The following UFL1 variants were observed in gnomAD, a reference collection of about 807,000 sequenced individuals.
The protein encoded by UFL1 is UFM1 specific ligase 1, also known as E3 UFM1-protein ligase 1.
In UFL1, 78 loss-of-function variants were observed where a neutral mutation model predicts 99.3. That is an observed-to-expected ratio of 0.79 (90% CI 0.65 to 0.95). The LOEUF (loss-of-function observed/expected upper bound fraction) is 0.95, where lower values mean the gene tolerates loss of function less well. UFL1 is among the 40% of genes least tolerant of loss of function. UFL1 has a pLI of 0.00. For missense variants in UFL1, 936 were observed against 937.0 expected (o/e 1.00, Z 0.01); for synonymous variants, 335 against 322.2 (o/e 1.04, Z -0.42).
rs537614097 is a variant in UFL1 at position 96,523,163 on chromosome 6, G to A, written c.95G>A (p.Cys32Tyr). 1 of 1,611,744 alleles carries A rather than the reference G, an allele frequency of 6.2e-7. No homozygotes were observed. The highest frequency in any genetic ancestry group is 2.2e-5 in the East Asian group (1 of 44,784). ...TCCCTCAGGTTGTCCGAGCGGAACT[G>A]CATTGAGATTGTTAATAAATTGATT... ...EATQRLSERN[C>Y]IEIVNKLIAQ... is the part of the protein sequence containing the mutation. Residue 32 changes from cysteine to tyrosine, a missense_variant, in exon 2 of 19, where the codon TGC becomes TAC. By Grantham distance (194) the Cys-to-Tyr change is radical. Coordinates refer to ENST00000369278, the MANE Select transcript of UFL1 (RefSeq NM_015323.5).
intron 12 of UFL1, among the ~76,000 whole-genome samples, chr6:96,544,566 T>G (rs1002993816): frequency 2.0e-5 from 3 of 151,048 alleles, no homozygotes; most frequent in Admixed American, 1.3e-4. Context: ...TTGTTTAAGA[T>G]TTGTCTTTAA....
At chr6:96,525,234 A>T in intron 3 of UFL1, 63 bp from the exon 4 acceptor site, 1 of 1,299,110 alleles carries the variant, frequency 7.7e-7, no homozygotes, top group Non-Finnish European at 1.1e-6. Context: ...TTCTAAGTAT[A>T]TAATTTCAAG....
In UFL1 at chr6:96,552,597, A is replaced by C; in HGVS notation, c.2101A>C (p.Met701Leu). ...VLLFQFSTHS[M>L]LHAPGRCVPQ... Reference sequence around the variant, plus strand: ...GTTGTTTCAGTTTTCAACCCACAGCATGCTCCATGCACCTGGAAGATGTGT... The same window carrying C: ...GTTGTTTCAGTTTTCAACCCACAGCCTGCTCCATGCACCTGGAAGATGTGT... Residue 701 changes from methionine to leucine, a missense_variant, in exon 18 of 19, where the codon ATG becomes CTG. Transcript: ENST00000369278. The C allele has an allele frequency of 6.2e-7, 1 of 1,613,316 alleles. No homozygotes were observed. The highest frequency in any genetic ancestry group is 1.3e-5 in the African/African-American group (1 of 74,938).
In UFL1 at chr6:96,553,599, C is replaced by G; in HGVS notation, c.*96C>G. On this transcript the variant is annotated 3_prime_UTR_variant, in exon 19 of 19. Transcript: ENST00000369278. ...GTAGTCACTATACAACTCCCCTCTC[C>G]CTGCAAAAACCACCTCATACACACA... 1.1e-6 allele frequency: 1 copy of G among 876,656 alleles called. No individual in the cohort carries two copies. The highest frequency in any genetic ancestry group is 1.7e-6 in the Non-Finnish European group (1 of 572,234). 54.3% of individuals were successfully genotyped at this position (876,656 alleles called of 1,614,324 possible). A position where few individuals can be genotyped will look rare whatever the true frequency, so the allele number is the denominator to read the frequency against.
At chr6:96,529,007 A>C (rs762577932) in intron 6 of UFL1, among the ~76,000 whole-genome samples, 1 of 152,230 alleles carries the variant, frequency 6.6e-6, no homozygotes, top group African/African-American at 2.4e-5. Context: ...CATAATAGGC[A>C]CATGACCTTG....
intron 16 of UFL1, 116 bp from the exon 17 acceptor site, chr6:96,551,722 G>T (rs1255664690): frequency 1.3e-6 from 1 of 786,566 alleles, no homozygotes; most frequent in East Asian, 2.7e-5. Context: ...TAATGAGAAA[G>T]TGACCCTTTT....
rs1350092553 is a variant in UFL1, at chr6:96,540,521, A to G, written c.1159-14A>G. On this transcript the variant is annotated splice_polypyrimidine_tract_variant and intron_variant, in intron 10 of 18. Coordinates refer to ENST00000369278, the MANE Select transcript of UFL1 (RefSeq NM_015323.5). Reference sequence around the variant, plus strand: ...ATGTGTTTTTCCTACCAAAAAAAGCATGTTTTATTTTAGGAAATGAAAAAT... The same window carrying G: ...ATGTGTTTTTCCTACCAAAAAAAGCGTGTTTTATTTTAGGAAATGAAAAAT... 1 of 1,588,382 alleles carries G rather than the reference A, an allele frequency of 6.3e-7. No individual in the cohort carries two copies. Among genetic ancestry groups the G allele is most frequent in the African/African-American group, 1.4e-5 (1 of 72,930 alleles).
Position 96,541,559 on chromosome 6 carries a change from T to TG in UFL1, c.1279+904_1279+905insG, listed in dbSNP as rs200338102. Among the ~76,000 whole-genome samples, 1,095 of 151,430 alleles carry TG rather than the reference T, an allele frequency of 7.2e-3. 11 individuals carry two copies. Among genetic ancestry groups the TG allele is most frequent in the African/African-American group, 0.022 (921 of 41,462 alleles). On this transcript the variant is annotated intron_variant, in intron 11 of 18. Transcript: ENST00000369278. Reference sequence around the variant, plus strand: ...TATTTCCTCTTCCAGAATCTTTTTCTTAAAACTTTTCAATGGCATTATGAA... The same window carrying TG: ...TATTTCCTCTTCCAGAATCTTTTTCTGTAAAACTTTTCAATGGCATTATGAA...
chr6:96,534,433 T>G, intron 7 of UFL1, 112 bp downstream of exon 7: 2 of 855,818 alleles, frequency 2.3e-6, no homozygotes, highest in Non-Finnish European at 3.3e-6. Context: ...AACTAAAATA[T>G]TTCCTGGTTT....
chr6:96,531,905 A>G (rs1769788041), intron 6 of UFL1, among the ~76,000 whole-genome samples: 1 of 152,184 alleles, frequency 6.6e-6, no homozygotes, highest in Admixed American at 6.5e-5. Flanking sequence ...AGATAGTACC[A>G]TTTAAGGCAC....
intron 5 of UFL1, among the ~76,000 whole-genome samples, chr6:96,527,478 C>T (rs528192532): frequency 8.4e-4 from 127 of 152,002 alleles, no homozygotes; most frequent in African/African-American, 3.0e-3. Flanking sequence ...TTGGCCAAAC[C>T]GTAATTGCAT....
chr6:96,539,070 T>G (rs1769894390), intron 10 of UFL1, among the ~76,000 whole-genome samples: 1 of 151,602 alleles, frequency 6.6e-6, no homozygotes, highest in Non-Finnish European at 1.5e-5. Flanking sequence ...CAGTTAAGTT[T>G]CCTGAGGTTG....
intron 9 of UFL1, 78 bp from the exon 10 acceptor site, chr6:96,538,553 G>A: frequency 7.5e-7 from 1 of 1,333,596 alleles, no homozygotes; most frequent in Admixed American, 2.1e-5. Context: ...TCTAGAGAGA[G>A]CATATATGTA....
intron 6 of UFL1, among the ~76,000 whole-genome samples, chr6:96,533,234 A>G (rs1020108874): frequency 1.3e-5 from 2 of 152,078 alleles, no homozygotes; most frequent in Non-Finnish European, 2.9e-5. Flanking sequence ...GTTATTACAA[A>G]TGAGATACAG....
intron 10 of UFL1, 31 bp downstream of exon 10, chr6:96,538,841 T>C (rs1562254196): frequency 6.5e-7 from 1 of 1,536,682 alleles, no homozygotes; most frequent in Admixed American, 1.9e-5. Context: ...TCTGCTAATC[T>C]TAATAATATT....
chr6:96,552,468 T>C lies in UFL1; in HGVS notation c.1986-14T>C. ...ATTATGATAATGAATTTGTGTGCTT[T>C]TTTTTTTTTTTAGACAGATACTGTT... On this transcript the variant is annotated splice_polypyrimidine_tract_variant and intron_variant, in intron 17 of 18. Coordinates refer to ENST00000369278, the MANE Select transcript of UFL1 (RefSeq NM_015323.5). 6.9e-7 allele frequency: 1 copy of C among 1,442,074 alleles called. No homozygotes were observed. Among genetic ancestry groups the C allele is most frequent in the Non-Finnish European group, 9.2e-7 (1 of 1,082,916 alleles). 89.3% of individuals were successfully genotyped at this position (1,442,074 alleles called of 1,614,324 possible).
chr6:96,526,509 GA>G lies in UFL1; in HGVS notation c.465+83del, dbSNP rs937222553. ...AAACGAAGACTTTGAATGGAAGGGG[GA>G]AAAAAAAATGAGACTTCCTCACCAT... On this transcript the variant is annotated intron_variant, in intron 5 of 18. Transcript: ENST00000369278. 472 of 1,208,386 alleles carry G rather than the reference GA, an allele frequency of 3.9e-4. 4 individuals are homozygous for G. The highest frequency in any genetic ancestry group is 2.4e-3 in the East Asian group (97 of 40,990). 74.9% of individuals were successfully genotyped at this position (1,208,386 alleles called of 1,614,324 possible). A position where few individuals can be genotyped will look rare whatever the true frequency, so the allele number is the denominator to read the frequency against.
chr6:96,524,382 G>A lies in UFL1; in HGVS notation c.224G>A (p.Gly75Asp). 6.3e-7 allele frequency: 1 copy of A among 1,588,984 alleles called. No individual in the cohort carries two copies. Among genetic ancestry groups the A allele is most frequent in the Non-Finnish European group, 8.5e-7 (1 of 1,170,632 alleles). Residue 75 changes from glycine (G) to aspartate (D), a missense_variant and splice_region_variant, in exon 3 of 19, where the codon GGT becomes GAT. Gly to Asp is a moderately conservative substitution (Grantham distance 94). Coordinates refer to ENST00000369278, the MANE Select transcript of UFL1 (RefSeq NM_015323.5). ...EMRDELHVRG[G>D]RVNIVDLQQV... is the part of the protein sequence containing the mutation. ...ATAAATGAATGTCTTTTCTTCAAAG[G>A]TCGAGTAAACATTGTTGATCTACAA...
rs906214203 is a variant in UFL1 at position 96,554,894 on chromosome 6, C to T, written c.*1391C>T. On this transcript the variant is annotated 3_prime_UTR_variant, in exon 19 of 19. Coordinates refer to ENST00000369278, the MANE Select transcript of UFL1 (RefSeq NM_015323.5). ...CCTCTGTAATCACAAACCCCAATTTCGTTTTGTTTATTCAGCTTCTAAAAT... is the reference window on the plus strand; with the variant it reads ...CCTCTGTAATCACAAACCCCAATTTTGTTTTGTTTATTCAGCTTCTAAAAT... 3 of 152,492 alleles carry T rather than the reference C, an allele frequency of 2.0e-5. No individual in the cohort carries two copies. The highest frequency in any genetic ancestry group is 4.4e-5 in the Non-Finnish European group (3 of 67,968). The allele number at this position is 152,492 out of a possible 1,614,324, so 9.4% of individuals were successfully genotyped here.
Sources: allele counts gnomAD v4.1 joint callset (sites outside exome capture counted in the v4.1 genomes callset), GRCh38; gene constraint gnomAD v4.1.1; transcripts MANE v1.5; gene names NCBI Gene and HGNC (gene_info 2026-07-23, HGNC 2026-07-21).